SDK1: variants seen among roughly 807,000 people sequenced by gnomAD.
SDK1 encodes protein sidekick-1.
SDK1 carries 157 observed loss-of-function variants against 245.5 expected under a neutral mutation model. The ratio of observed to expected loss-of-function variants is 0.64; its 90% CI spans 0.56 to 0.73. The LOEUF is 0.73. SDK1 is among the 30% of genes least tolerant of loss of function. The pLI, the probability that SDK1 is intolerant of heterozygous loss-of-function variation, is 0.00. For synonymous variants in SDK1, 1,647 were observed against 1,278.5 expected, an observed-to-expected ratio of 1.29 and a Z score of -6.15; for missense variants, 3,583 against 3,002.3, an observed-to-expected ratio of 1.19 and a Z score of -4.52.
intron 5 of SDK1, among the ~76,000 whole-genome samples, chr7:3,894,841 C>T (rs1781559104): frequency 6.6e-6 from 1 of 151,734 alleles, no homozygotes; most frequent in African/African-American, 2.4e-5. Flanking sequence ...GTGGCACGTG[C>T]CACCATGCCT....
chr7:3,508,755 A>G (rs1782478807), intron 1 of SDK1, among the ~76,000 whole-genome samples: 1 of 152,214 alleles, frequency 6.6e-6, no homozygotes, highest in Non-Finnish European at 1.5e-5. Context: ...ATTGCCTTGT[A>G]GTGCATTGGC....
At chr7:3,469,322 T>G (rs1156282763) in intron 1 of SDK1, among the ~76,000 whole-genome samples, 2 of 152,076 alleles carry the variant, frequency 1.3e-5, no homozygotes, top group Non-Finnish European at 2.9e-5. Flanking sequence ...TCCCAGATAC[T>G]TGGGAGGCTG....
chr7:3,655,747 G>A (rs1237432332), intron 4 of SDK1, among the ~76,000 whole-genome samples: 2 of 151,818 alleles, frequency 1.3e-5, no homozygotes, highest in African/African-American at 4.8e-5. Context: ...ATAGCACATG[G>A]TTTGTTCTGG....
intron 5 of SDK1, among the ~76,000 whole-genome samples, chr7:3,826,050 T>G (rs1779766662): frequency 6.6e-6 from 1 of 152,220 alleles, no homozygotes; most frequent in African/African-American, 2.4e-5. Context: ...GTCATGAGTT[T>G]AATCATTTAG....
chr7:3,657,762 T>C (rs535946384), intron 4 of SDK1, among the ~76,000 whole-genome samples: 1 of 152,260 alleles, frequency 6.6e-6, no homozygotes, highest in South Asian at 2.1e-4. Flanking sequence ...TTCTTATCTT[T>C]CTGCGAGACT....
At chr7:3,543,681 T>A (rs993584290) in intron 1 of SDK1, among the ~76,000 whole-genome samples, 2 of 152,214 alleles carry the variant, frequency 1.3e-5, no homozygotes, top group African/African-American at 2.4e-5. Context: ...TTGAGTGAGA[T>A]TGTGTTACAC....
chr7:3,716,851 C>G (rs2115024559), intron 4 of SDK1, among the ~76,000 whole-genome samples: 1 of 151,384 alleles, frequency 6.6e-6, no homozygotes, highest in African/African-American at 2.4e-5. Context: ...ATGAGGTCCT[C>G]CAAACAGAAA....
intron 27 of SDK1, chr7:4,130,364 G>A: frequency 2.1e-6 from 1 of 481,230 alleles, no homozygotes; most frequent in South Asian, 2.9e-5. Context: ...AGAGGCAGCA[G>A]AGGCTGGGGC....
At chr7:3,635,303 T>C (rs140627419) in intron 2 of SDK1, among the ~76,000 whole-genome samples, 195 of 152,358 alleles carry the variant, frequency 1.3e-3, no homozygotes, top group African/African-American at 4.0e-3. Flanking sequence ...TTATTAATCC[T>C]TCCCTAGGAG....
intron 1 of SDK1, among the ~76,000 whole-genome samples, chr7:3,564,693 C>T (rs1202905512): frequency 1.3e-5 from 2 of 151,898 alleles, no homozygotes; most frequent in Admixed American, 6.6e-5. Flanking sequence ...TTCACCAATA[C>T]ATGGTAAAGA....
intron 1 of SDK1, among the ~76,000 whole-genome samples, chr7:3,465,760 T>C (rs1329698433): frequency 6.6e-6 from 1 of 152,154 alleles, no homozygotes; most frequent in Non-Finnish European, 1.5e-5. Flanking sequence ...TTGAGACCAC[T>C]GTGTTGGTGT....
At chr7:3,426,788 A>G (rs1390800344) in intron 1 of SDK1, among the ~76,000 whole-genome samples, 1 of 152,236 alleles carries the variant, frequency 6.6e-6, no homozygotes, top group Non-Finnish European at 1.5e-5. Context: ...AATTTTACTA[A>G]AATCCATTGT....
intron 4 of SDK1, among the ~76,000 whole-genome samples, chr7:3,730,937 T>C (rs1779158026): frequency 6.6e-6 from 1 of 152,198 alleles, no homozygotes; most frequent in South Asian, 2.1e-4. Flanking sequence ...AGGTCCCAGA[T>C]GAACCTTAGG....
intron 4 of SDK1, among the ~76,000 whole-genome samples, chr7:3,786,816 C>T (rs532240760): frequency 4.6e-5 from 7 of 152,216 alleles, no homozygotes; most frequent in Non-Finnish European, 7.4e-5. Flanking sequence ...GAATACACCT[C>T]GGTAGTACTA....
chr7:3,446,202 A>G (rs1164994745), intron 1 of SDK1, among the ~76,000 whole-genome samples: 1 of 152,164 alleles, frequency 6.6e-6, no homozygotes, highest in Non-Finnish European at 1.5e-5. Context: ...TTGTAATTCA[A>G]GCAGCTACTA....
intron 5 of SDK1, among the ~76,000 whole-genome samples, chr7:3,852,202 T>C (rs1780434909): frequency 6.6e-6 from 1 of 151,888 alleles, no homozygotes; most frequent in South Asian, 2.1e-4. Flanking sequence ...AACTTGAGAT[T>C]CTTTAAATCA....
chr7:3,367,029 C>T (rs891171899), intron 1 of SDK1, among the ~76,000 whole-genome samples: 13 of 152,232 alleles, frequency 8.5e-5, no homozygotes, highest in African/African-American at 2.6e-4. Flanking sequence ...CGTGAGCTAC[C>T]GCGCCCGGCC....
At chr7:4,148,502 G>A (rs1780140345) in intron 29 of SDK1, among the ~76,000 whole-genome samples, 1 of 152,188 alleles carries the variant, frequency 6.6e-6, no homozygotes, top group South Asian at 2.1e-4. Flanking sequence ...CTCACCTACA[G>A]CAGCACTGAG....
At chr7:3,331,143 A>G (rs1780059158) in intron 1 of SDK1, among the ~76,000 whole-genome samples, 1 of 152,170 alleles carries the variant, frequency 6.6e-6, no homozygotes, top group Admixed American at 6.5e-5. Context: ...GTGCGCCTGT[A>G]ATCCTAGCTA....
Sources: gnomAD v4.1 joint callset for allele counts (sites outside exome capture counted in the v4.1 genomes callset) on GRCh38, gnomAD v4.1.1 for gene constraint, MANE v1.5 for transcripts, NCBI Gene and HGNC (gene_info 2026-07-23, HGNC 2026-07-21) for gene names.